Variants in CD59 observed in about 807,000 individuals in gnomAD.
The protein encoded by CD59 is CD59 molecule (CD59 blood group).
A neutral mutation model predicts 7.0 loss-of-function variants in CD59; 3 were observed. The observed-to-expected ratio is 0.43, with a 90% CI of 0.19 to 1.10. CD59 has a LOEUF of 1.10. CD59 is among the 50% of genes least tolerant of loss of function. The pLI is 0.29. For missense variants in CD59, 143 were observed against 151.0 expected (o/e 0.95, Z 0.28); for synonymous variants, 60 against 62.0 (o/e 0.97, Z 0.15).
Position 33,703,195 on chromosome 11 carries a change from A to T in CD59, c.*6931T>A, listed in dbSNP as rs771428900. 6.6e-6 allele frequency: 1 copy of T among 152,208 alleles called. No individual in the cohort carries two copies. Among genetic ancestry groups the T allele is most frequent in the Non-Finnish European group, 1.5e-5 (1 of 68,028 alleles). The allele number at this position is 152,208 out of a possible 1,614,324, so 9.4% of individuals were successfully genotyped here. ...TCCATGAAGTTATAGCCAGGGGGTT[A>T]AATAAGAAGTTGATGACAAACTTGG... On this transcript the variant is annotated 3_prime_UTR_variant, in exon 4 of 4. Transcript: ENST00000642928.
intron 3 of CD59, among the ~76,000 whole-genome samples, chr11:33,712,652 G>C (rs527278530): frequency 6.6e-6 from 1 of 152,174 alleles, no homozygotes; most frequent in Non-Finnish European, 1.5e-5. Flanking sequence ...AGGACTGACT[G>C]CTAACAGGTT....
chr11:33,726,098 C>T (rs1395922737), intron 1 of CD59, among the ~76,000 whole-genome samples: 1 of 152,130 alleles, frequency 6.6e-6, no homozygotes, highest in Non-Finnish European at 1.5e-5. Context: ...TTTAACACCC[C>T]ACTGTCAATA....
rs898241923 is a variant in CD59, at chr11:33,720,732, G to GA, written c.67+1646dup. On this transcript the variant is annotated intron_variant, in intron 2 of 3. Coordinates refer to ENST00000642928, the MANE Select transcript of CD59 (RefSeq NM_000611.6). ...CGACAGAGTGAGACTCCATCCCCCT[G>GA]AAAAAAACAAACAAAAAAAAACAAG... Among the ~76,000 whole-genome samples the GA allele has an allele frequency of 3.4e-5, 5 of 146,980 alleles. No homozygotes were observed. In the East Asian group the frequency reaches 6.1e-4, roughly 18 times the overall value.
At chr11:33,724,525 G>T (rs1024670385) in intron 1 of CD59, among the ~76,000 whole-genome samples, 8 of 152,154 alleles carry the variant, frequency 5.3e-5, no homozygotes, top group African/African-American at 1.9e-4. Context: ...ACAATGCCTG[G>T]CCAAAGATGG....
At chr11:33,731,180 A>G (rs997794539) in intron 1 of CD59, among the ~76,000 whole-genome samples, 2 of 152,108 alleles carry the variant, frequency 1.3e-5, no homozygotes, top group East Asian at 3.8e-4. Context: ...TTGAATCTTC[A>G]ACCGTGTAGG....
intron 1 of CD59, among the ~76,000 whole-genome samples, chr11:33,726,486 A>C (rs1289050491): frequency 3.3e-5 from 5 of 152,272 alleles, no homozygotes; most frequent in African/African-American, 1.2e-4. Flanking sequence ...CAATGAGAAC[A>C]AAGACACGAC....
At chr11:33,711,668 C>A (rs899460050) in intron 3 of CD59, among the ~76,000 whole-genome samples, 1 of 151,758 alleles carries the variant, frequency 6.6e-6, no homozygotes, top group Non-Finnish European at 1.5e-5. Flanking sequence ...CAAAGCAAGA[C>A]CTTGCCTCTT....
At position 33,722,401 on chromosome 11, in the gene CD59, G is replaced by A; in HGVS notation, c.45C>T (p.Val15=). 7 of 1,613,932 alleles carry A rather than the reference G, an allele frequency of 4.3e-6. No individual in the cohort carries two copies. Among genetic ancestry groups the A allele is most frequent in the East Asian group, 2.2e-5 (1 of 44,878 alleles). ...CACCTGAATGGCAGAAGACAGCCAG[G>A]ACGAGCAGCAGCCCGAACAGGACAG... ...GGSVLFGLLL[V]LAVFCHSGHS... Residue 15 remains valine (V), a synonymous_variant, in exon 2 of 4, where the codon GTC becomes GTT. Coordinates refer to ENST00000642928, the MANE Select transcript of CD59 (RefSeq NM_000611.6).
At chr11:33,734,519 G>A (rs1854508793) in intron 1 of CD59, among the ~76,000 whole-genome samples, 1 of 152,074 alleles carries the variant, frequency 6.6e-6, no homozygotes, top group Admixed American at 6.5e-5. Context: ...CCCTCCCTGT[G>A]TCCAAGTGTT....
intron 1 of CD59, chr11:33,723,074 A>T: frequency 3.8e-6 from 2 of 531,706 alleles, no homozygotes; most frequent in Non-Finnish European, 4.9e-6. Context: ...GGAAAGCCTG[A>T]AATGCCTCCA....
chr11:33,721,174 A>C (rs767052676), intron 2 of CD59, among the ~76,000 whole-genome samples: 1 of 152,244 alleles, frequency 6.6e-6, no homozygotes, highest in Non-Finnish European at 1.5e-5. Context: ...GAACCACATT[A>C]CAGTGCACCC....
At chr11:33,711,473 G>C (rs758417612) in intron 3 of CD59, 1 of 693,322 alleles carries the variant, frequency 1.4e-6, no homozygotes, top group Non-Finnish European at 2.6e-6. Flanking sequence ...GATTGCCTGC[G>C]GCCAGCCTGG....
Position 33,710,302 on chromosome 11 carries a change from T to C in CD59, c.211A>G (p.Asn71Asp). ...AAGCGGGTTGTGACGTCGTTGAAAT[T>C]GCAATGCTCAAACTTCCAACACTTG... ...YNKCWKFEHC[N>D]FNDVTTRLRE... Residue 71 changes from asparagine to aspartate, a missense_variant, in exon 4 of 4, where the codon AAT becomes GAT. Coordinates refer to ENST00000642928, the MANE Select transcript of CD59 (RefSeq NM_000611.6). The C allele has an allele frequency of 6.2e-7, 1 of 1,614,192 alleles. No homozygotes were observed. Among genetic ancestry groups the C allele is most frequent in the Non-Finnish European group, 8.5e-7 (1 of 1,180,016 alleles).
At chr11:33,736,461 G>C (rs1854582739), upstream of CD59, 1 of 152,498 alleles carries the variant, frequency 6.6e-6, no homozygotes, top group Non-Finnish European at 1.5e-5. This position sits in a 1 kb window ranked among gnomAD's most constrained non-coding sequence, Gnocchi z 4.4. Flanking sequence ...CAGCCCGCAA[G>C]GCTCCGCCCC....
At chr11:33,725,589 C>G (rs752452928) in intron 1 of CD59, among the ~76,000 whole-genome samples, 1 of 152,242 alleles carries the variant, frequency 6.6e-6, no homozygotes, top group East Asian at 1.9e-4. Context: ...GATGAAGGAA[C>G]GGCAGGCTTT....
At chr11:33,718,898 T>C (rs1054103245) in intron 2 of CD59, 4 of 152,260 alleles carry the variant, frequency 2.6e-5, no homozygotes, top group African/African-American at 9.6e-5. Flanking sequence ...GAAGGAAATC[T>C]TCCTGGTTTG....
rs950740212 is a variant in CD59 at position 33,706,115 on chromosome 11, C to A, written c.*4011G>T. On this transcript the variant is annotated 3_prime_UTR_variant, in exon 4 of 4. Coordinates refer to ENST00000642928, the MANE Select transcript of CD59 (RefSeq NM_000611.6). ...GTCCCCTGCTGGGTGCATGCTACCC[C>A]CCTCCTCTCCCAGAGGCTCTGGACC... The A allele has an allele frequency of 2.6e-5, 4 of 151,612 alleles. No homozygotes were observed. Among genetic ancestry groups the A allele is most frequent in the East Asian group, 1.9e-4 (1 of 5,148 alleles). The allele number at this position is 151,612 out of a possible 1,614,324, so 9.4% of individuals were successfully genotyped here.
At chr11:33,712,300 GA>G (rs1226614071) in intron 3 of CD59, among the ~76,000 whole-genome samples, 2 of 152,150 alleles carry the variant, frequency 1.3e-5, no homozygotes, top group African/African-American at 4.8e-5. Context: ...AGTTTGAATT[GA>G]AAACTACGTT....
At chr11:33,725,818 G>A (rs779583048) in intron 1 of CD59, among the ~76,000 whole-genome samples, 3 of 152,034 alleles carry the variant, frequency 2.0e-5, no homozygotes, top group Non-Finnish European at 2.9e-5. Flanking sequence ...GGGCGTGGAA[G>A]GCTACTCACA....
Sources: allele counts gnomAD v4.1 joint callset (sites outside exome capture counted in the v4.1 genomes callset), GRCh38; gene constraint gnomAD v4.1.1; non-coding constraint Gnocchi (gnomAD v3.1); transcripts MANE v1.5; gene names NCBI Gene and HGNC (gene_info 2026-07-23, HGNC 2026-07-21).